Variants in DIXDC1 observed in about 807,000 individuals in gnomAD.
DIXDC1 encodes the protein DIX domain containing 1, also known as dixin.
Under a neutral mutation model 103.1 loss-of-function variants are expected in DIXDC1, and 64 were observed. The observed-to-expected ratio is 0.62, with a 90% confidence interval of 0.51 to 0.76. DIXDC1 has a LOEUF of 0.76. Among genes scored for constraint, DIXDC1 ranks in the 30% least tolerant of loss-of-function variants. The pLI is 0.00. For missense variants in DIXDC1, 759 were observed against 834.2 expected, an observed-to-expected ratio of 0.91 and a Z score of 1.11; for synonymous variants, 266 against 298.5, an observed-to-expected ratio of 0.89 and a Z score of 1.12.
chr11:112,008,423 C>G (rs1861310168), intron 17 of DIXDC1, among the ~76,000 whole-genome samples: 1 of 152,146 alleles, frequency 6.6e-6, no homozygotes. Flanking sequence ...ACAAGGATAT[C>G]CATGACTTGA....
intron 1 of DIXDC1, among the ~76,000 whole-genome samples, chr11:111,963,367 T>C (rs1489671980): frequency 1.3e-5 from 2 of 152,218 alleles, no homozygotes; most frequent in East Asian, 3.8e-4. Flanking sequence ...TGTCAGTGGC[T>C]GATGGATTGT....
Position 111,992,462 on chromosome 11 carries a change from G to C in DIXDC1, c.1161G>C (p.Gln387His), listed in dbSNP as rs370914448. The change falls in exon 11 of 20, where the codon CAG becomes CAC. Residue 387 changes from glutamine to histidine, a missense_variant. Gln to His is a conservative substitution (Grantham distance 24). Transcript: ENST00000440460. ...RLTQQDTSVL[Q>H]LKQELLRANM... ...CTCAGCAGGACACATCTGTTCTTCAGCTCAAACAAGAGCTACTGAGGGCAA... is the reference window on the plus strand; with the variant it reads ...CTCAGCAGGACACATCTGTTCTTCACCTCAAACAAGAGCTACTGAGGGCAA... The C allele has an allele frequency of 9.5e-6, 15 of 1,583,374 alleles. No homozygotes were observed. Among genetic ancestry groups the C allele is most frequent in the Non-Finnish European group, 1.3e-5 (15 of 1,164,282 alleles).
intron 6 of DIXDC1, 147 bp from the exon 7 acceptor site, chr11:111,982,183 GCCTCACAAC>G (rs1860326690): frequency 1.5e-6 from 1 of 684,462 alleles, no homozygotes; most frequent in African/African-American, 1.8e-5. Context: ...AATTCTTTAG[GCCTCACAAC>G]CCCACCTGGT....
intron 1 of DIXDC1, among the ~76,000 whole-genome samples, chr11:111,954,402 A>T (rs1403219594): frequency 6.6e-6 from 1 of 152,214 alleles, no homozygotes; most frequent in African/African-American, 2.4e-5. Flanking sequence ...GTAAATACAG[A>T]TGAAGCTTCA....
At chr11:111,950,820 C>G (rs1966780600) in intron 1 of DIXDC1, among the ~76,000 whole-genome samples, 1 of 152,078 alleles carries the variant, frequency 6.6e-6, no homozygotes, top group Admixed American at 6.6e-5. Flanking sequence ...GTATAATAAT[C>G]ATATCAGTGT....
intron 1 of DIXDC1, among the ~76,000 whole-genome samples, chr11:111,942,604 C>CA (rs751044702): frequency 5.3e-5 from 8 of 152,216 alleles, no homozygotes; most frequent in Non-Finnish European, 1.2e-4. Context: ...CATTCATTCA[C>CA]ATGCATTTAT....
At chr11:111,974,301 C>A in intron 4 of DIXDC1, 47 bp downstream of exon 4, 1 of 1,538,372 alleles carries the variant, frequency 6.5e-7, no homozygotes, top group Non-Finnish European at 8.8e-7. Flanking sequence ...CTCTCTGATA[C>A]TTCTTCTGTT....
At chr11:111,989,112 G>C (rs587682003) in intron 10 of DIXDC1, 57 bp downstream of exon 10, 1 of 1,441,320 alleles carries the variant, frequency 6.9e-7, no homozygotes, top group Non-Finnish European at 9.3e-7. Context: ...AAAGTAGTCT[G>C]TTGGTGAGTG....
At chr11:112,010,024 A>G (rs934679117) in intron 17 of DIXDC1, among the ~76,000 whole-genome samples, 7 of 152,122 alleles carry the variant, frequency 4.6e-5, no homozygotes, top group Non-Finnish European at 1.0e-4. Flanking sequence ...AAAATTGTCT[A>G]TGTTTGCAGA....
chr11:112,000,305 C>G (rs1380289617), intron 17 of DIXDC1, among the ~76,000 whole-genome samples: 1 of 152,012 alleles, frequency 6.6e-6, no homozygotes, highest in Non-Finnish European at 1.5e-5. Flanking sequence ...GGTCTAGGAT[C>G]CAGAATATAT....
chr11:111,995,584 A>T lies in DIXDC1; in HGVS notation c.1689+20A>T. 1 of 1,613,272 alleles carries T rather than the reference A, an allele frequency of 6.2e-7. No homozygotes were observed. The highest frequency in any genetic ancestry group is 8.5e-7 in the Non-Finnish European group (1 of 1,179,768). On this transcript the variant is annotated intron_variant, in intron 16 of 19. Coordinates refer to ENST00000440460, the MANE Select transcript of DIXDC1 (RefSeq NM_001037954.4). ...AGAAAGGTAACCCTCTTGCTGTGGT[A>T]TCTCTCTTAGGCAAGCTCCTGAGAA...
intron 17 of DIXDC1, among the ~76,000 whole-genome samples, chr11:112,001,965 C>T (rs1861081403): frequency 6.6e-6 from 1 of 152,034 alleles, no homozygotes; most frequent in African/African-American, 2.4e-5. Flanking sequence ...CCATGTTGGC[C>T]AGACTGGTCT....
chr11:111,940,614 T>C (rs1204758388), intron 1 of DIXDC1, among the ~76,000 whole-genome samples: 1 of 152,202 alleles, frequency 6.6e-6, no homozygotes, highest in African/African-American at 2.4e-5. Flanking sequence ...TAATACGGTT[T>C]GGGTAATATG....
At position 111,955,928 on chromosome 11, in the gene DIXDC1, A is replaced by C. The variant is rs1420273432; in HGVS notation, c.61-8621A>C. 3.3e-5 allele frequency among the ~76,000 whole-genome samples: 5 copies of C among 151,298 alleles called. No homozygotes were observed. The South Asian group carries it at 8.4e-4, about 25-fold the overall frequency. On this transcript the variant is annotated intron_variant, in intron 1 of 19. Coordinates refer to ENST00000440460, the MANE Select transcript of DIXDC1 (RefSeq NM_001037954.4). ...TCACAATATCCAGGAGGTGGAAGCA[A>C]CTCAAGAGCCCATCAACTAATGAAT...
At chr11:111,933,125 GTTTTC>G (rs1331498939), upstream of DIXDC1, among the ~76,000 whole-genome samples, 1 of 152,046 alleles carries the variant, frequency 6.6e-6, no homozygotes, top group Admixed American at 6.6e-5. Context: ...ACCATTTAGA[GTTTTC>G]TTTTGGTTTT....
At chr11:112,006,874 G>T (rs1007432280) in intron 17 of DIXDC1, among the ~76,000 whole-genome samples, 1 of 152,216 alleles carries the variant, frequency 6.6e-6, no homozygotes, top group Non-Finnish European at 1.5e-5. Context: ...AAAAGCTGAA[G>T]ATTCTAAAAA....
Position 111,974,106 on chromosome 11 carries a change from G to A in DIXDC1, c.400G>A (p.Val134Met), listed in dbSNP as rs1345669097. Residue 134 changes from valine to methionine, a missense_variant, in exon 4 of 20, where the codon GTG (valine) becomes ATG (methionine). Coordinates refer to ENST00000440460, the MANE Select transcript of DIXDC1 (RefSeq NM_001037954.4). ...TTTCAAACCTGGCTCCAGCAGGACGGTGAACCAAGGACGGGACTCCAGAGC... is the reference window on the plus strand; with the variant it reads ...TTTCAAACCTGGCTCCAGCAGGACGATGAACCAAGGACGGGACTCCAGAGC... ...AHFKPGSSRT[V>M]NQGRDSRAPL... 1.2e-6 allele frequency: 2 copies of A among 1,614,000 alleles called. No individual in the cohort carries two copies. Among genetic ancestry groups the A allele is most frequent in the South Asian group, 2.2e-5 (2 of 91,076 alleles).
chr11:111,943,325 G>T (rs1966478211), intron 1 of DIXDC1, among the ~76,000 whole-genome samples: 1 of 151,744 alleles, frequency 6.6e-6, no homozygotes. Context: ...TGTAGTTTTA[G>T]TAGAGACAGG....
At chr11:111,996,251 A>C in intron 17 of DIXDC1, 105 bp downstream of exon 17, 1 of 937,402 alleles carries the variant, frequency 1.1e-6, no homozygotes, top group Non-Finnish European at 1.6e-6. Flanking sequence ...GTAGTACTTC[A>C]CTTTTATACT....
Sources: gnomAD v4.1 joint callset for allele counts (sites outside exome capture counted in the v4.1 genomes callset) on GRCh38, gnomAD v4.1.1 for gene constraint, MANE v1.5 for transcripts, NCBI Gene and HGNC (gene_info 2026-07-23, HGNC 2026-07-21) for gene names.